Variants in TVP23C observed in about 807,000 individuals in gnomAD.
The protein encoded by TVP23C is Golgi apparatus membrane protein TVP23 homolog C.
In TVP23C, 19 loss-of-function variants were observed where a neutral mutation model predicts 28.7. The observed-to-expected ratio is 0.66, with a 90% confidence interval of 0.46 to 0.97. The LOEUF (loss-of-function observed/expected upper bound fraction) is 0.97, where lower values mean the gene tolerates loss of function less well. TVP23C is among the 50% of genes least tolerant of loss of function. TVP23C has a pLI of 0.00. For synonymous variants in TVP23C, 68 were observed against 81.7 expected, an observed-to-expected ratio of 0.83 and a Z score of 0.90; for missense variants, 186 against 241.3, an observed-to-expected ratio of 0.77 and a Z score of 1.52.
intron 5 of TVP23C, among the ~76,000 whole-genome samples, chr17:15,511,717 A>G (rs1196501330): frequency 6.6e-6 from 1 of 152,112 alleles, no homozygotes; most frequent in African/African-American, 2.4e-5. Flanking sequence ...TCCCCACTCA[A>G]TGGCTCAAGA....
At chr17:15,555,038 G>T (rs1254312791) in intron 2 of TVP23C, among the ~76,000 whole-genome samples, 1 of 152,156 alleles carries the variant, frequency 6.6e-6, no homozygotes. Context: ...AAATAGCACA[G>T]AATTAAAAAC....
chr17:15,515,397 C>T (rs1982181368), intron 5 of TVP23C, among the ~76,000 whole-genome samples: 1 of 150,832 alleles, frequency 6.6e-6, no homozygotes, highest in Admixed American at 6.7e-5. Context: ...AAGACAAGCA[C>T]CCATGTGAAC....
intron 5 of TVP23C, among the ~76,000 whole-genome samples, chr17:15,507,978 G>GA (rs1324460867): frequency 2.0e-5 from 3 of 152,250 alleles, no homozygotes; most frequent in Non-Finnish European, 2.9e-5. Context: ...ATGAGTAGGT[G>GA]AAAGTGTTAG....
At position 15,537,430 on chromosome 17, in the gene TVP23C, C is replaced by A. The variant is rs1436041724; in HGVS notation, c.*2982G>T. The A allele has an allele frequency of 2.0e-6, 2 of 985,126 alleles. No individual in the cohort carries two copies. Among genetic ancestry groups the A allele is most frequent in the African/African-American group, 1.7e-5 (1 of 57,204 alleles). 61.0% of individuals were successfully genotyped at this position (985,126 alleles called of 1,614,324 possible). A position where few individuals can be genotyped will look rare whatever the true frequency, so the allele number is the denominator to read the frequency against. On this transcript the variant is annotated 3_prime_UTR_variant, in exon 6 of 6. Transcript: ENST00000518321. ...ACTGAAGAACTTTCAATCTAGCTAT[C>A]CTTTCTGTAAAATAAATAGAATAGC...
chr17:15,513,386 G>T (rs1456431376), intron 5 of TVP23C, among the ~76,000 whole-genome samples: 2 of 152,176 alleles, frequency 1.3e-5, no homozygotes, highest in Non-Finnish European at 2.9e-5. Flanking sequence ...AAACAATTGA[G>T]TATTTCTTCT....
chr17:15,530,360 T>C (rs1191437509), intron 5 of TVP23C, among the ~76,000 whole-genome samples: 2 of 152,216 alleles, frequency 1.3e-5, no homozygotes, highest in Non-Finnish European at 2.9e-5. Context: ...TATCTTAACA[T>C]AAAGTAGGTT....
intron 5 of TVP23C, among the ~76,000 whole-genome samples, chr17:15,523,014 T>TG (rs1982547127): frequency 6.8e-6 from 1 of 148,102 alleles, no homozygotes. Context: ...AGAGCAGAAT[T>TG]TTTTTTTTTT....
Position 15,540,172 on chromosome 17 carries a change from T to C in TVP23C, c.*240A>G, listed in dbSNP as rs375378331. 6.2e-4 allele frequency: 782 copies of C among 1,269,480 alleles called. 7 individuals are homozygous for C. In the South Asian group the frequency reaches 0.016, roughly 27 times the overall value. The allele number at this position is 1,269,480 out of a possible 1,614,324, so 78.6% of individuals were successfully genotyped here. On this transcript the variant is annotated 3_prime_UTR_variant, in exon 6 of 6. Coordinates refer to ENST00000518321, the MANE Select transcript of TVP23C (RefSeq NM_001135036.2). ...GCTCCCATAATTGATGAAAAACAAC[T>C]GAACTTAAAAGTAATTTTTAAAAAA...
intron 5 of TVP23C, among the ~76,000 whole-genome samples, chr17:15,540,988 G>C (rs528009626): frequency 7.8e-4 from 119 of 152,354 alleles, no homozygotes; most frequent in Non-Finnish European, 1.5e-3. Context: ...AATAAACTGA[G>C]AGCAGGTAGG....
intron 1 of TVP23C, among the ~76,000 whole-genome samples, chr17:15,561,290 T>A (rs1597553386): frequency 6.6e-6 from 1 of 152,132 alleles, no homozygotes; most frequent in East Asian, 1.9e-4. Flanking sequence ...GAGGTTCACA[T>A]CACAAACTTA....
chr17:15,522,864 G>A (rs1015492293), intron 5 of TVP23C, among the ~76,000 whole-genome samples: 3 of 152,096 alleles, frequency 2.0e-5, no homozygotes, highest in Non-Finnish European at 4.4e-5. Context: ...CCAACATGGT[G>A]AAACCCCATC....
downstream of TVP23C, among the ~76,000 whole-genome samples, chr17:15,532,997 G>A (rs1189092655): frequency 6.6e-6 from 1 of 152,142 alleles, no homozygotes; most frequent in Non-Finnish European, 1.5e-5. Context: ...GTTCAAGTTC[G>A]TATCTATACA....
Position 15,537,806 on chromosome 17 carries a change from T to C in TVP23C, c.*2606A>G, listed in dbSNP as rs6502462. On this transcript the variant is annotated 3_prime_UTR_variant, in exon 6 of 6. Coordinates refer to ENST00000518321, the MANE Select transcript of TVP23C (RefSeq NM_001135036.2). ...GATCAAAATGCAAAGGTCTCCATTA[T>C]CTGTGTAAATGAACACTTTCATTAA... 249,937 of 1,134,848 alleles carry C rather than the reference T, an allele frequency of 0.22. 29,327 individuals carry two copies. Among genetic ancestry groups the C allele is most frequent in the African/African-American group, 0.4 (24,536 of 60,986 alleles). The allele number at this position is 1,134,848 out of a possible 1,614,324, so 70.3% of individuals were successfully genotyped here.
chr17:15,536,421 A>G (rs1471351931), downstream of TVP23C, among the ~76,000 whole-genome samples: 6 of 152,166 alleles, frequency 3.9e-5, no homozygotes, highest in African/African-American at 1.2e-4. Context: ...ATTGGCCCAA[A>G]CTTGGTGGTG....
chr17:15,559,603 G>C (rs1167191838), intron 1 of TVP23C, among the ~76,000 whole-genome samples: 1 of 148,478 alleles, frequency 6.7e-6, no homozygotes, highest in African/African-American at 2.4e-5. Flanking sequence ...AAGAAGGAGG[G>C]ACAAAAGCAC....
At position 15,538,182 on chromosome 17, in the gene TVP23C, A is replaced by T. The variant is rs1983238773; in HGVS notation, c.*2230T>A. 1.2e-6 allele frequency: 2 copies of T among 1,613,612 alleles called. No homozygotes were observed. The highest frequency in any genetic ancestry group is 1.7e-6 in the Non-Finnish European group (2 of 1,179,832). ...CAAAAGACAAAAAAAGAACTCCTTAACATCAAAGTTATTTCACTTCACACA... is the reference window on the plus strand; with the variant it reads ...CAAAAGACAAAAAAAGAACTCCTTATCATCAAAGTTATTTCACTTCACACA... On this transcript the variant is annotated 3_prime_UTR_variant, in exon 6 of 6. Coordinates refer to ENST00000518321, the MANE Select transcript of TVP23C (RefSeq NM_001135036.2).
At chr17:15,533,526 C>A (rs1303627581), downstream of TVP23C, among the ~76,000 whole-genome samples, 1 of 152,168 alleles carries the variant, frequency 6.6e-6, no homozygotes, top group Admixed American at 6.5e-5. Flanking sequence ...TACTGCAGAT[C>A]TACAACAAAA....
In TVP23C at chr17:15,538,483, G is replaced by A. The variant is rs188182407; in HGVS notation, c.*1929C>T. 3.0e-4 allele frequency: 213 copies of A among 719,554 alleles called. No homozygotes were observed. The African/African-American group carries it at 3.4e-3, about 11-fold the overall frequency. 44.6% of individuals were successfully genotyped at this position (719,554 alleles called of 1,614,324 possible). A position where few individuals can be genotyped will look rare whatever the true frequency, so the allele number is the denominator to read the frequency against. On this transcript the variant is annotated 3_prime_UTR_variant, in exon 6 of 6. Transcript: ENST00000518321. The stretch of plus-strand genomic sequence containing the variant: ...CGGGCGCCTGCAATCCCAGCTACTC[G>A]GGAGGCTGAGGCAGAAGAATAGTAT...
At chr17:15,561,037 G>A (rs144628392) in intron 1 of TVP23C, among the ~76,000 whole-genome samples, 12,028 of 151,270 alleles carry the variant, frequency 0.08, 634 homozygotes, top group Middle Eastern at 0.14. Context: ...ATGGAGCACT[G>A]ACAGTCCAAT....
Sources: gnomAD v4.1 joint callset for allele counts (sites outside exome capture counted in the v4.1 genomes callset) on GRCh38, gnomAD v4.1.1 for gene constraint, MANE v1.5 for transcripts, NCBI Gene and HGNC (gene_info 2026-07-23, HGNC 2026-07-21) for gene names.